SLC14A2: variants seen among roughly 807,000 people sequenced by gnomAD.
SLC14A2 encodes solute carrier family 14 member 2, also known as urea transporter 2.
A neutral mutation model predicts 104.6 loss-of-function variants in SLC14A2; 91 were observed. The ratio of observed to expected loss-of-function variants is 0.87; its 90% CI spans 0.73 to 1.04. The LOEUF is 1.04. Among genes scored for constraint, SLC14A2 ranks in the 50% least tolerant of loss-of-function variants. SLC14A2 has a pLI of 0.00. For synonymous variants in SLC14A2, 476 were observed against 466.4 expected, an observed-to-expected ratio of 1.02 and a Z score of -0.27; for missense variants, 1,189 against 1,156.0, an observed-to-expected ratio of 1.03 and a Z score of -0.41.
chr18:45,268,353 A>G (rs16978316), intron 1 of SLC14A2, among the ~76,000 whole-genome samples: 2,751 of 152,348 alleles, frequency 0.018, 70 homozygotes, highest in East Asian at 0.1. Context: ...AAATGTTCGT[A>G]TAAAAGTTAA....
intron 1 of SLC14A2, among the ~76,000 whole-genome samples, chr18:45,382,259 C>T (rs746082892): frequency 6.6e-6 from 1 of 151,842 alleles, no homozygotes; most frequent in Non-Finnish European, 1.5e-5. Flanking sequence ...GTTTACCATA[C>T]AAATACTTGT....
In SLC14A2 at chr18:45,372,106, GT is replaced by G. The variant is rs1435184904; in HGVS notation, c.-124-111125del. ...GTGGGCAGATCACCTGAGGTTGGGA[GT>G]TCAAGACCAATCTGGCCAACGTGGC... On this transcript the variant is annotated intron_variant, in intron 1 of 20. Coordinates refer to the SLC14A2 transcript ENST00000586448. 3.9e-5 allele frequency among the ~76,000 whole-genome samples: 6 copies of G among 152,236 alleles called. No homozygotes were observed. In the East Asian group the frequency reaches 1.2e-3, roughly 29 times the overall value.
chr18:45,270,243 T>A (rs917462260), intron 1 of SLC14A2, among the ~76,000 whole-genome samples: 1 of 152,134 alleles, frequency 6.6e-6, no homozygotes, highest in African/African-American at 2.4e-5. Context: ...TTCCTTCTCA[T>A]CACCTTTTCC....
intron 1 of SLC14A2, among the ~76,000 whole-genome samples, chr18:45,417,147 G>T (rs1393496730): frequency 6.6e-6 from 1 of 152,174 alleles, no homozygotes; most frequent in Admixed American, 6.5e-5. Flanking sequence ...TCAGCAGAGA[G>T]GTTTTCTGAT....
rs1196144987 is a variant in SLC14A2 at position 45,673,712 on chromosome 18, A to G, written c.2407A>G (p.Ile803Val). 1.5e-5 allele frequency: 24 copies of G among 1,613,876 alleles called. No homozygotes were observed. Among genetic ancestry groups the G allele is most frequent in the Non-Finnish European group, 2.0e-5 (24 of 1,179,972 alleles). ...ALTIATPFDS[I>V]YFGLCGFNST... ...CACTATTGCGACGCCCTTTGACTCC[A>G]TCTACTTCGGCCTGTGTGGCTTCAA... The change falls in exon 18 of 20, where the codon ATC becomes GTC. Residue 803 changes from isoleucine (I) to valine (V), a missense_variant. By Grantham distance (29) the Ile-to-Val change is conservative (BLOSUM62 3). Coordinates refer to ENST00000255226, the MANE Select transcript of SLC14A2 (RefSeq NM_007163.4).
intron 1 of SLC14A2, among the ~76,000 whole-genome samples, chr18:45,228,011 G>T (rs1244683183): frequency 6.6e-6 from 1 of 152,100 alleles, no homozygotes; most frequent in Non-Finnish European, 1.5e-5. Flanking sequence ...ACTTTAAATC[G>T]ATAATAGATT....
chr18:45,262,539 A>C (rs181712516), intron 1 of SLC14A2, among the ~76,000 whole-genome samples: 1 of 152,176 alleles, frequency 6.6e-6, no homozygotes, highest in Admixed American at 6.5e-5. Flanking sequence ...GCCCCTATTA[A>C]TTAATGCCCA....
At chr18:45,638,280 G>T (rs1000176758) in intron 6 of SLC14A2, among the ~76,000 whole-genome samples, 1 of 151,958 alleles carries the variant, frequency 6.6e-6, no homozygotes, top group East Asian at 1.9e-4. Flanking sequence ...CATTCCTTTC[G>T]CAAGATTATA....
intron 1 of SLC14A2, among the ~76,000 whole-genome samples, chr18:45,331,586 G>A (rs1020774613): frequency 1.3e-5 from 2 of 151,906 alleles, no homozygotes; most frequent in Non-Finnish European, 2.9e-5. Context: ...AGCTACTCGG[G>A]AGGCTGAGGC....
upstream of SLC14A2, among the ~76,000 whole-genome samples, chr18:45,611,664 A>G (rs1252091835): frequency 1.3e-5 from 2 of 152,206 alleles, no homozygotes; most frequent in African/African-American, 4.8e-5. Context: ...TGAGGGAGAG[A>G]ACCTTAGGGA....
chr18:45,538,880 T>G (rs1451766138), intron 2 of SLC14A2, among the ~76,000 whole-genome samples: 7 of 150,400 alleles, frequency 4.7e-5, no homozygotes, highest in Non-Finnish European at 3.0e-5. Context: ...TTGCTTGCTT[T>G]CTTTCCTTCC....
the SLC14A2 span, among the ~76,000 whole-genome samples, chr18:45,184,202 T>G: frequency 6.6e-6 from 1 of 152,188 alleles, no homozygotes; most frequent in South Asian, 2.1e-4. Context: ...ATTATCTTAC[T>G]ATAGTCACAC....
chr18:45,486,571 C>T (rs1043488304), intron 2 of SLC14A2, among the ~76,000 whole-genome samples: 4 of 152,154 alleles, frequency 2.6e-5, no homozygotes, highest in African/African-American at 9.7e-5. Context: ...AGCCATCTAG[C>T]TTTGTTTAAT....
At chr18:45,414,738 C>T (rs1472372246) in intron 1 of SLC14A2, among the ~76,000 whole-genome samples, 14 of 70,142 alleles carry the variant, frequency 2.0e-4, no homozygotes, top group Admixed American at 6.5e-4. Flanking sequence ...TGCAAGGCAC[C>T]GAGCGTAAAA....
chr18:45,425,169 A>G (rs1464176575), intron 1 of SLC14A2, among the ~76,000 whole-genome samples: 2 of 152,244 alleles, frequency 1.3e-5, no homozygotes, highest in Non-Finnish European at 1.5e-5. Context: ...TAAATATGCC[A>G]TGGACAAATG....
At chr18:45,383,501 C>T (rs2085860650) in intron 1 of SLC14A2, among the ~76,000 whole-genome samples, 1 of 152,154 alleles carries the variant, frequency 6.6e-6, no homozygotes, top group Non-Finnish European at 1.5e-5. Context: ...TAGAGATTAC[C>T]CAGAGCAACC....
chr18:45,175,957 A>G, the SLC14A2 span, among the ~76,000 whole-genome samples: 1 of 152,182 alleles, frequency 6.6e-6, no homozygotes, highest in Admixed American at 6.5e-5. Context: ...ACTATACCAT[A>G]CGACAATTCT....
At chr18:45,652,065 C>T (rs1285498716) in intron 10 of SLC14A2, among the ~76,000 whole-genome samples, 1 of 152,218 alleles carries the variant, frequency 6.6e-6, no homozygotes, top group South Asian at 2.1e-4. Context: ...CATCGTGGAA[C>T]ATTTGTTTAT....
intron 1 of SLC14A2, among the ~76,000 whole-genome samples, chr18:45,234,527 C>G (rs7230186): frequency 0.31 from 46,352 of 148,834 alleles, 7,378 homozygotes; most frequent in African/African-American, 0.44. Context: ...CAAAACATCA[C>G]TCAAAATTTT....
Sources: allele counts gnomAD v4.1 joint callset (sites outside exome capture counted in the v4.1 genomes callset), GRCh38; gene constraint gnomAD v4.1.1; transcripts MANE v1.5; gene names NCBI Gene and HGNC (gene_info 2026-07-23, HGNC 2026-07-21).